Variants in AKAP9 observed in about 807,000 individuals in gnomAD.
AKAP9 encodes the protein A-kinase anchoring protein 9.
AKAP9 carries 311 observed loss-of-function variants against 488.5 expected under a neutral mutation model. The ratio of observed to expected loss-of-function variants is 0.64; its 90% CI spans 0.58 to 0.70. AKAP9 has a LOEUF of 0.70. Among genes scored for constraint, AKAP9 ranks in the 30% least tolerant of loss-of-function variants. The pLI is 0.00. For synonymous variants in AKAP9, 1,462 were observed against 1,483.5 expected, an observed-to-expected ratio of 0.99 and a Z score of 0.33; for missense variants, 4,215 against 4,374.5, an observed-to-expected ratio of 0.96 and a Z score of 1.03.
In AKAP9 at chr7:92,086,373, C is replaced by G; in HGVS notation, c.9170C>G (p.Ala3057Gly). The G allele has an allele frequency of 6.2e-7, 1 of 1,613,804 alleles. No individual in the cohort carries two copies. Among genetic ancestry groups the G allele is most frequent in the Non-Finnish European group, 8.5e-7 (1 of 1,179,872 alleles). Residue 3057 changes from alanine to glycine, a missense_variant, in exon 37 of 50, where the codon GCA (alanine) becomes GGA (glycine). By Grantham distance (60) the Ala-to-Gly change is moderately conservative. Around this residue, in one of 5 missense-constraint regions of AKAP9, gnomAD observed 1,476 missense variants for 1,477.4 expected, o/e 1.00. Transcript: ENST00000356239. ...CTGACAGCTCTAGGTACTACAGATG[C>G]AGTTGGTTTACTAAACTGTTTGGAA... The part of the protein sequence containing the change: ...TELTALGTTD[A>G]VGLLNCLEQR...
intron 16 of AKAP9, among the ~76,000 whole-genome samples, chr7:92,032,982 A>G (rs995805077): frequency 6.6e-6 from 1 of 151,088 alleles, no homozygotes; most frequent in African/African-American, 2.4e-5. Context: ...TCAGCGTTTT[A>G]TATGTTGAAA....
At chr7:92,014,162 G>T in intron 9 of AKAP9, 87 bp from the exon 10 acceptor site, 1 of 855,980 alleles carries the variant, frequency 1.2e-6, no homozygotes. Flanking sequence ...TATTGCAGGG[G>T]AGCTTCCAGT....
chr7:91,985,325 G>T (rs1398906526), intron 3 of AKAP9, among the ~76,000 whole-genome samples: 1 of 152,270 alleles, frequency 6.6e-6, no homozygotes, highest in Middle Eastern at 3.4e-3. Flanking sequence ...TAGCATGAAA[G>T]GCTGTGGAAT....
intron 3 of AKAP9, among the ~76,000 whole-genome samples, chr7:91,989,643 A>C (rs907057283): frequency 6.6e-6 from 1 of 152,010 alleles, no homozygotes; most frequent in Non-Finnish European, 1.5e-5. Flanking sequence ...TTTTTAACCA[A>C]GTGCTTATAT....
intron 30 of AKAP9, 79 bp downstream of exon 30, chr7:92,077,954 C>A: frequency 1.1e-6 from 1 of 939,644 alleles, no homozygotes; most frequent in East Asian, 2.9e-5. Context: ...TGTTGCTCCC[C>A]ATTGAATTTA....
At chr7:92,092,507 GTTTTT>G (rs35907726) in intron 38 of AKAP9, 1 of 149,738 alleles carries the variant, frequency 6.7e-6, no homozygotes, top group African/African-American at 2.4e-5. Flanking sequence ...TCCATTTAAA[GTTTTT>G]TTTTTTAATT....
chr7:92,098,096 CT>C lies in AKAP9; in HGVS notation c.10608-8del. 1 of 1,572,304 alleles carries C rather than the reference CT, an allele frequency of 6.4e-7. No homozygotes were observed. Among genetic ancestry groups the C allele is most frequent in the Non-Finnish European group, 8.8e-7 (1 of 1,142,600 alleles). Reference sequence around the variant, plus strand: ...GAGAAGGTATGTTTTGACTTTTTGTCTTTTTCTTGAAGACTACAGTTTGAAA... The same window carrying C: ...GAGAAGGTATGTTTTGACTTTTTGTCTTTTCTTGAAGACTACAGTTTGAAA... On this transcript the variant is annotated splice_polypyrimidine_tract_variant and intron_variant, in intron 42 of 49. Coordinates refer to ENST00000356239, the MANE Select transcript of AKAP9 (RefSeq NM_005751.5).
chr7:92,085,725 A>G, intron 36 of AKAP9, 39 bp downstream of exon 36: 2 of 1,431,426 alleles, frequency 1.4e-6, no homozygotes. Flanking sequence ...CATTTTATGT[A>G]TTATTTGAAC....
In AKAP9 at chr7:92,082,678, T is replaced by C. The variant is rs1813790880; in HGVS notation, c.8160+16T>C. The C allele has an allele frequency of 6.2e-7, 1 of 1,613,366 alleles. No homozygotes were observed. Among genetic ancestry groups the C allele is most frequent in the Non-Finnish European group, 8.5e-7 (1 of 1,179,488 alleles). On this transcript the variant is annotated intron_variant, in intron 32 of 49. Transcript: ENST00000356239. ...AGAGCTTTTGGTAAGATAAGTAACA[T>C]AGCTCCTAATTCACTCATTTCTACC... is the stretch of plus-strand genomic sequence containing the variant.
intron 12 of AKAP9, 130 bp from the exon 13 acceptor site, chr7:92,022,108 C>G: frequency 1.4e-6 from 1 of 720,712 alleles, no homozygotes; most frequent in Non-Finnish European, 2.6e-6. Context: ...AGGGAAAATG[C>G]TTGTATTAGA....
In AKAP9 at chr7:92,084,287, G is replaced by A. The variant is rs557571710; in HGVS notation, c.8647-353G>A. 2.2e-4 allele frequency among the ~76,000 whole-genome samples: 33 copies of A among 152,216 alleles called. 1 individual carries two copies. Among genetic ancestry groups the A allele is most frequent in the Middle Eastern group, 6.8e-3 (2 of 294 alleles). On this transcript the variant is annotated intron_variant, in intron 33 of 49. Transcript: ENST00000356239. ...TTTTAAGAGAAAATAAAAAAACGGG[G>A]GCAGTCTCTTCCTTATGATCGCAAT...
At chr7:91,959,480 T>C (rs1257693548) in intron 1 of AKAP9, among the ~76,000 whole-genome samples, 8 of 150,090 alleles carry the variant, frequency 5.3e-5, no homozygotes, top group African/African-American at 1.5e-4. Context: ...AAAAAAAATT[T>C]ACTTTTTTAA....
At position 92,022,797 on chromosome 7, in the gene AKAP9, CTCTT is replaced by C. The variant is rs780465671; in HGVS notation, c.3953-15_3953-12del. On this transcript the variant is annotated splice_polypyrimidine_tract_variant and intron_variant, in intron 13 of 49. Transcript: ENST00000356239. ...TTATATTGAAATGTGCATTTTTTGT[CTCTT>C]TATATAACATAGATGTCAATCATAA... is the stretch of plus-strand genomic sequence containing the variant. The C allele has an allele frequency of 4.0e-6, 6 of 1,502,938 alleles. No homozygotes were observed. The South Asian group carries it at 4.6e-5, about 12-fold the overall frequency. 93.1% of individuals were successfully genotyped at this position (1,502,938 alleles called of 1,614,324 possible).
At chr7:91,968,857 G>A (rs1210410644) in intron 1 of AKAP9, among the ~76,000 whole-genome samples, 1 of 151,760 alleles carries the variant, frequency 6.6e-6, no homozygotes, top group Non-Finnish European at 1.5e-5. Context: ...TGTCCTTCAG[G>A]ATTATGTTGG....
At chr7:91,969,074 G>A (rs1258634295) in intron 1 of AKAP9, among the ~76,000 whole-genome samples, 1 of 151,790 alleles carries the variant, frequency 6.6e-6, no homozygotes, top group East Asian at 1.9e-4. Context: ...ACCAACCTGG[G>A]CAACAAAGTG....
At position 92,070,914 on chromosome 7, in the gene AKAP9, C is replaced by T. The variant is rs773455040; in HGVS notation, c.6517C>T (p.Arg2173Ter). ...SADTFQKVED[R>*]KHFGAVEAKP... ...TTTTATATATTTAAAGGTAGAGGAC[C>T]GAAAACACTTTGGAGCTGTAGAAGC... is the stretch of plus-strand genomic sequence containing the variant. The change falls in exon 28 of 50, where the codon CGA becomes TGA. Residue 2173 changes from arginine to a stop codon, truncating the protein, a stop_gained. Transcript: ENST00000356239. LOFTEE classifies it high-confidence loss of function. The T allele has an allele frequency of 8.7e-6, 14 of 1,611,814 alleles. No homozygotes were observed. Among genetic ancestry groups the T allele is most frequent in the Admixed American group, 1.7e-5 (1 of 59,904 alleles).
intron 14 of AKAP9, among the ~76,000 whole-genome samples, chr7:92,027,874 AAG>A (rs2130747393): frequency 6.6e-6 from 1 of 152,352 alleles, no homozygotes; most frequent in Admixed American, 6.5e-5. Flanking sequence ...GGGGAAAAGA[AAG>A]AGAGATCAGA....
chr7:92,012,116 C>T (rs1239844568), intron 8 of AKAP9, among the ~76,000 whole-genome samples: 1 of 152,094 alleles, frequency 6.6e-6, no homozygotes, highest in African/African-American at 2.4e-5. Flanking sequence ...GTTGTGAGTA[C>T]ATAAATGTTT....
intron 46 of AKAP9, among the ~76,000 whole-genome samples, chr7:92,104,470 C>T (rs1818201734): frequency 1.3e-5 from 2 of 152,082 alleles, no homozygotes; most frequent in South Asian, 2.1e-4. Flanking sequence ...GGATTACAGG[C>T]GTGAGCCACT....
Sources: gnomAD v4.1 joint callset for allele counts (sites outside exome capture counted in the v4.1 genomes callset) on GRCh38, gnomAD v4.1.1 for gene constraint, gnomAD v4.1.1 regional missense constraint, MANE v1.5 for transcripts, NCBI Gene and HGNC (gene_info 2026-07-23, HGNC 2026-07-21) for gene names.